NTN1: variants seen among roughly 807,000 people sequenced by gnomAD.
The protein encoded by NTN1 is netrin 1.
A neutral mutation model predicts 54.2 loss-of-function variants in NTN1; 11 were observed. The observed-to-expected ratio is 0.20, with a 90% CI of 0.13 to 0.34. The LOEUF (loss-of-function observed/expected upper bound fraction) is 0.34, where lower values mean the gene tolerates loss of function less well. Among genes scored for constraint, NTN1 ranks in the 10% least tolerant of loss-of-function variants. NTN1 has a pLI of 1.00. For synonymous variants in NTN1, 371 were observed against 382.0 expected (o/e 0.97, Z 0.33); for missense variants, 740 against 893.1 (o/e 0.83, Z 2.18).
chr17:9,193,461 T>G (rs567132458), intron 5 of NTN1, among the ~76,000 whole-genome samples: 2 of 152,322 alleles, frequency 1.3e-5, no homozygotes, highest in East Asian at 3.9e-4. Context: ...GCCCTAAATA[T>G]TTTGGAATAC....
At position 9,152,860 on chromosome 17, in the gene NTN1, A is replaced by T. The variant is rs138547882; in HGVS notation, c.1019-9953A>T. Among the ~76,000 whole-genome samples the T allele has an allele frequency of 5.2e-3, 791 of 152,268 alleles. 8 individuals carry two copies. Among genetic ancestry groups the T allele is most frequent in the African/African-American group, 0.018 (751 of 41,540 alleles). On this transcript the variant is annotated intron_variant, in intron 2 of 6. Coordinates refer to ENST00000173229, the MANE Select transcript of NTN1 (RefSeq NM_004822.3). ...GCTTTCCAGGTCACACACCTGGGGG[A>T]GTCGCGGAGCCGGAGCTAGAGTCCA...
intron 5 of NTN1, among the ~76,000 whole-genome samples, chr17:9,208,536 G>A (rs369907864): frequency 1.0e-3 from 152 of 152,274 alleles, no homozygotes; most frequent in African/African-American, 3.3e-3. Context: ...GGAAATGGGC[G>A]CTAAGAACCT....
In NTN1 at chr17:9,240,751, G is replaced by A. The variant is rs1906186009; in HGVS notation, c.*783G>A. On this transcript the variant is annotated 3_prime_UTR_variant, in exon 7 of 7. Coordinates refer to ENST00000173229, the MANE Select transcript of NTN1 (RefSeq NM_004822.3). ...TGTCTCTGCCCCTGCCCCTGCCCCT[G>A]CCCAGCGTGGGGCTGGCCCATCCGG... is the stretch of plus-strand genomic sequence containing the variant. 1 of 150,000 alleles carries A rather than the reference G, an allele frequency of 6.7e-6. No individual in the cohort carries two copies. Among genetic ancestry groups the A allele is most frequent in the South Asian group, 2.1e-4 (1 of 4,782 alleles). 9.3% of individuals were successfully genotyped at this position (150,000 alleles called of 1,614,324 possible).
intron 2 of NTN1, among the ~76,000 whole-genome samples, chr17:9,151,652 TGAAA>T (rs2092327922): frequency 6.6e-6 from 1 of 152,180 alleles, no homozygotes; most frequent in Non-Finnish European, 1.5e-5. Context: ...GGCCTGGTTC[TGAAA>T]GAGAGACTTA....
intron 2 of NTN1, among the ~76,000 whole-genome samples, chr17:9,062,019 A>G (rs1220545246): frequency 6.6e-6 from 1 of 152,152 alleles, no homozygotes; most frequent in African/African-American, 2.4e-5. Flanking sequence ...AGTTTTTAGC[A>G]GGGGACAAGC....
upstream of NTN1, among the ~76,000 whole-genome samples, chr17:9,018,873 G>A (rs1332590525): frequency 7.2e-5 from 11 of 152,200 alleles, no homozygotes; most frequent in Non-Finnish European, 1.6e-4. Flanking sequence ...TGTTGTGACT[G>A]TTTTGGGGAT....
intron 6 of NTN1, among the ~76,000 whole-genome samples, chr17:9,230,878 G>A (rs1190458631): frequency 6.6e-6 from 1 of 152,152 alleles, no homozygotes; most frequent in Non-Finnish European, 1.5e-5. Context: ...TAGGAAGGAG[G>A]GGTGGGGAGA....
intron 2 of NTN1, among the ~76,000 whole-genome samples, chr17:9,104,644 C>T (rs902650675): frequency 6.6e-5 from 10 of 152,160 alleles, no homozygotes; most frequent in Non-Finnish European, 1.3e-4. Flanking sequence ...TGAGGGTGCT[C>T]GGGCCAGCTG....
chr17:9,008,803 A>G, the NTN1 span, among the ~76,000 whole-genome samples: 32 of 152,308 alleles, frequency 2.1e-4, no homozygotes, highest in African/African-American at 6.7e-4. Flanking sequence ...AGGTGAAGTG[A>G]TTTGCCCAGC....
chr17:9,186,515 G>A (rs990395037), intron 5 of NTN1, among the ~76,000 whole-genome samples: 27 of 152,316 alleles, frequency 1.8e-4, no homozygotes, highest in Admixed American at 1.2e-3. Flanking sequence ...CTGTCTTCAC[G>A]AGGCACTCAC....
At chr17:9,064,371 A>G (rs534509324) in intron 2 of NTN1, among the ~76,000 whole-genome samples, 2 of 152,248 alleles carry the variant, frequency 1.3e-5, no homozygotes, top group South Asian at 4.1e-4. Flanking sequence ...AGTGATGCCA[A>G]GCCTCTCTGT....
chr17:9,075,268 C>G (rs539478279), intron 2 of NTN1, among the ~76,000 whole-genome samples: 2 of 152,188 alleles, frequency 1.3e-5, no homozygotes, highest in African/African-American at 4.8e-5. Context: ...AATACTTGAG[C>G]CCAGGAGTTC....
At chr17:9,010,681 A>C in the NTN1 span, among the ~76,000 whole-genome samples, 13 of 152,146 alleles carry the variant, frequency 8.5e-5, no homozygotes, top group Admixed American at 7.2e-4. Context: ...AAACAACAGA[A>C]ATTTATTCTC....
intron 2 of NTN1, among the ~76,000 whole-genome samples, chr17:9,094,984 G>A (rs1254355685): frequency 2.5e-5 from 2 of 80,224 alleles, no homozygotes; most frequent in African/African-American, 5.3e-5. Context: ...GCGAGACTCC[G>A]TCTCAAAAAA....
At chr17:9,006,851 T>C in the NTN1 span, among the ~76,000 whole-genome samples, 2 of 152,214 alleles carry the variant, frequency 1.3e-5, no homozygotes, top group Non-Finnish European at 2.9e-5. Flanking sequence ...ACAAGAAAGA[T>C]ATATTAGTAG....
At chr17:9,084,017 G>A (rs184738126) in intron 2 of NTN1, among the ~76,000 whole-genome samples, 25 of 152,296 alleles carry the variant, frequency 1.6e-4, no homozygotes, top group Admixed American at 3.3e-4. Flanking sequence ...CTATCATGGG[G>A]GTGATGATCC....
intron 5 of NTN1, among the ~76,000 whole-genome samples, chr17:9,195,192 A>ACCGCTCCC (rs3031881): frequency 7.0e-6 from 1 of 142,400 alleles, no homozygotes; most frequent in Non-Finnish European, 1.5e-5. Flanking sequence ...GGCGAGCTCT[A>ACCGCTCCC]CCACCCCTCC....
intron 3 of NTN1, among the ~76,000 whole-genome samples, chr17:9,166,494 A>G (rs895724454): frequency 2.6e-5 from 4 of 152,018 alleles, no homozygotes; most frequent in Non-Finnish European, 5.9e-5. Flanking sequence ...GGTGCAAGCC[A>G]CCACAACCAG....
intron 2 of NTN1, among the ~76,000 whole-genome samples, chr17:9,157,036 TCCA>T (rs1459457933): frequency 6.9e-6 from 1 of 144,794 alleles, no homozygotes; most frequent in Admixed American, 6.9e-5. Flanking sequence ...CGTCCATCCA[TCCA>T]CCTTTTCATC....
Sources: gnomAD v4.1 joint callset for allele counts (sites outside exome capture counted in the v4.1 genomes callset) on GRCh38, gnomAD v4.1.1 for gene constraint, MANE v1.5 for transcripts, NCBI Gene and HGNC (gene_info 2026-07-23, HGNC 2026-07-21) for gene names.